Variants in SERAC1 observed in about 807,000 individuals in gnomAD.
SERAC1 encodes serine active site containing 1.
Under a neutral mutation model 85.7 loss-of-function variants are expected in SERAC1, and 36 were observed. The ratio of observed to expected loss-of-function variants is 0.42; its 90% CI spans 0.32 to 0.55. SERAC1 has a LOEUF of 0.55. Ranked by LOEUF, SERAC1 falls within the 20% of genes least tolerant of loss-of-function variation. SERAC1 has a pLI of 0.11. For synonymous variants in SERAC1, 242 were observed against 265.3 expected (o/e 0.91, Z 0.85); for missense variants, 629 against 796.2 (o/e 0.79, Z 2.53).
rs748870716 is a variant in SERAC1, at chr6:158,143,074, C to T, written c.720G>A (p.Gln240=). The change falls in exon 8 of 17, where the codon CAG becomes CAA. Residue 240 remains glutamine (Q), a synonymous_variant. Transcript: ENST00000647468. The part of the protein sequence containing the change: ...FTSLALSESS[Q]SLAAQKGGLW... ...AACTAACCTTCTGAGCAGCTAGACT[C>T]TGACTGCTTTCACTAAGAGCCAAAG... 1 of 1,612,088 alleles carries T rather than the reference C, an allele frequency of 6.2e-7. No homozygotes were observed. The highest frequency in any genetic ancestry group is 8.5e-7 in the Non-Finnish European group (1 of 1,178,978).
intron 6 of SERAC1, chr6:158,146,393 C>CTT (rs1785055867): frequency 2.6e-5 from 4 of 154,186 alleles, no homozygotes; most frequent in Non-Finnish European, 1.3e-5. Context: ...CTCCCACTCC[C>CTT]TTGTCTTTTT....
intron 16 of SERAC1, chr6:158,112,308 G>C (rs1303939914): frequency 6.6e-6 from 1 of 152,502 alleles, no homozygotes; most frequent in Non-Finnish European, 1.5e-5. Context: ...AGCTACTCAG[G>C]AGGCTGAAGT....
At chr6:158,128,462 A>G (rs1224359225) in intron 9 of SERAC1, among the ~76,000 whole-genome samples, 192 bp from the exon 10 acceptor site, 1 of 152,202 alleles carries the variant, frequency 6.6e-6, no homozygotes, top group African/African-American at 2.4e-5. Flanking sequence ...CTTCAAAATC[A>G]TAGAAAAAAT....
chr6:158,164,797 T>C (rs1785560804), intron 1 of SERAC1, among the ~76,000 whole-genome samples: 2 of 152,166 alleles, frequency 1.3e-5, no homozygotes, highest in South Asian at 4.1e-4. Context: ...CCTTTCTTTC[T>C]TTCTAGTTAA....
chr6:158,146,656 C>T lies in SERAC1; in HGVS notation c.487+126G>A, dbSNP rs540069169. On this transcript the variant is annotated intron_variant, in intron 6 of 16. Coordinates refer to ENST00000647468, the MANE Select transcript of SERAC1 (RefSeq NM_032861.4). ...TGAACTCCTGACCTTGTGATCCAAC[C>T]AGCGTGGCCTCCCAAAGTGCTGGGA... 148 of 1,144,990 alleles carry T rather than the reference C, an allele frequency of 1.3e-4. No individual in the cohort carries two copies. The African/African-American group carries it at 2.1e-3, about 16-fold the overall frequency. 70.9% of individuals were successfully genotyped at this position (1,144,990 alleles called of 1,614,324 possible).
rs138749406 is a variant in SERAC1, at chr6:158,138,383, C to T, written c.738+4673G>A. On this transcript the variant is annotated intron_variant, in intron 8 of 16. Transcript: ENST00000647468. Reference sequence around the variant, plus strand: ...CCAGGAGGCAGAGGTGGTAGTGAGTCGAGATCACACCACTGAACTCCAGCC... The same window carrying T: ...CCAGGAGGCAGAGGTGGTAGTGAGTTGAGATCACACCACTGAACTCCAGCC... 2.4e-3 allele frequency among the ~76,000 whole-genome samples: 336 copies of T among 138,608 alleles called. 1 individual carries two copies. Among genetic ancestry groups the T allele is most frequent in the African/African-American group, 8.6e-3 (314 of 36,558 alleles). The allele number at this position is 138,608 out of a possible 152,430, so 90.9% of individuals were successfully genotyped here. A position where few individuals can be genotyped will look rare whatever the true frequency, so the allele number is the denominator to read the frequency against.
intron 1 of SERAC1, among the ~76,000 whole-genome samples, chr6:158,159,532 A>T (rs1785436847): frequency 6.6e-6 from 1 of 150,972 alleles, no homozygotes; most frequent in Non-Finnish European, 1.5e-5. Flanking sequence ...ACTATAAATT[A>T]TCCCTCTAAA....
chr6:158,125,223 C>A (rs1784512609), intron 10 of SERAC1, among the ~76,000 whole-genome samples: 1 of 152,158 alleles, frequency 6.6e-6, no homozygotes, highest in Admixed American at 6.5e-5. Flanking sequence ...ACTGCCCTGA[C>A]TTGATCACTA....
In SERAC1 at chr6:158,156,901, T is replaced by A. The variant is rs1785358731; in HGVS notation, c.91+1372A>T. On this transcript the variant is annotated intron_variant, in intron 2 of 16. Transcript: ENST00000647468. ...ATAGATATTAATATATTTATATAGA[T>A]ATTAATATATTTATATAAATATTAA... 3.1e-5 allele frequency among the ~76,000 whole-genome samples: 3 copies of A among 97,002 alleles called. No homozygotes were observed. In the South Asian group the frequency reaches 8.8e-4, roughly 29 times the overall value. 63.6% of individuals were successfully genotyped at this position (97,002 alleles called of 152,430 possible).
Position 158,128,196 on chromosome 6 carries a change from C to A in SERAC1, c.927G>T (p.Lys309Asn), listed in dbSNP as rs750554251. 6.2e-7 allele frequency: 1 copy of A among 1,614,100 alleles called. No homozygotes were observed. The highest frequency in any genetic ancestry group is 8.5e-7 in the Non-Finnish European group (1 of 1,179,982). ...TATTTCTCTGTACTTTAGGGCAGTC[C>A]TTGTGAAGTCGGTACAGCCTCTGAA... is the stretch of plus-strand genomic sequence containing the variant. ...QLLQRLYRLH[K>N]DCPKVQRNIM... is the part of the protein sequence containing the mutation. Residue 309 changes from lysine (K) to asparagine (N), a missense_variant, in exon 10 of 17, where the codon AAG becomes AAT. Coordinates refer to ENST00000647468, the MANE Select transcript of SERAC1 (RefSeq NM_032861.4).
intron 10 of SERAC1, among the ~76,000 whole-genome samples, chr6:158,126,128 C>CTA (rs77431341): frequency 7.0e-4 from 107 of 152,038 alleles, no homozygotes; most frequent in Non-Finnish European, 3.2e-4. Flanking sequence ...GTATGTATAT[C>CTA]TATATATATA....
intron 2 of SERAC1, among the ~76,000 whole-genome samples, chr6:158,156,824 T>G (rs1785348227): frequency 7.3e-6 from 1 of 137,732 alleles, no homozygotes. Flanking sequence ...ATATAATATA[T>G]TAATATATTA....
intron 16 of SERAC1, 146 bp downstream of exon 16, chr6:158,113,303 G>A: frequency 1.5e-6 from 1 of 646,298 alleles, no homozygotes; most frequent in Non-Finnish European, 2.6e-6. Context: ...TTAATCTATT[G>A]CTGAAAAGAA....
intron 8 of SERAC1, 40 bp from the exon 9 acceptor site, chr6:158,130,526 G>A: frequency 7.9e-7 from 1 of 1,257,992 alleles, no homozygotes; most frequent in Middle Eastern, 2.1e-4. Context: ...GAAAAAAAGT[G>A]ACTAATATTT....
At chr6:158,136,727 G>A (rs1242114205) in intron 8 of SERAC1, among the ~76,000 whole-genome samples, 19 of 152,178 alleles carry the variant, frequency 1.2e-4, no homozygotes, top group Admixed American at 1.2e-3. Context: ...TATGAGGCAG[G>A]TCTGTCATAA....
At chr6:158,126,185 C>T (rs1483269085) in intron 10 of SERAC1, among the ~76,000 whole-genome samples, 1 of 152,080 alleles carries the variant, frequency 6.6e-6, no homozygotes, top group Admixed American at 6.5e-5. Flanking sequence ...AGGCAAGAAG[C>T]AAAGACACCC....
chr6:158,127,296 C>T (rs1280077597), intron 10 of SERAC1, among the ~76,000 whole-genome samples: 1 of 2,824 alleles, frequency 3.5e-4, no homozygotes, highest in African/African-American at 9.9e-4. Context: ...AGGTGAGGGG[C>T]GCCTCTGCCC....
chr6:158,158,379 C>A lies in SERAC1; in HGVS notation c.-1-15G>T. On this transcript the variant is annotated splice_polypyrimidine_tract_variant and intron_variant, in intron 1 of 16. Transcript: ENST00000647468. ...CCAGGGACATTCTGTGTAAGTAGAACAATTACAACAAATTTAATTTAGCAT... is the reference window on the plus strand; with the variant it reads ...CCAGGGACATTCTGTGTAAGTAGAAAAATTACAACAAATTTAATTTAGCAT... 2 of 1,573,588 alleles carry A rather than the reference C, an allele frequency of 1.3e-6. No homozygotes were observed. The highest frequency in any genetic ancestry group is 1.7e-6 in the Non-Finnish European group (2 of 1,144,796).
At chr6:158,115,004 A>C in intron 14 of SERAC1, 33 bp from the exon 15 acceptor site, 1 of 1,583,452 alleles carries the variant, frequency 6.3e-7, no homozygotes, top group Non-Finnish European at 8.6e-7. Context: ...AACAATGCAT[A>C]AGCTATTTTC....
Sources: gnomAD v4.1 joint callset for allele counts (sites outside exome capture counted in the v4.1 genomes callset) on GRCh38, gnomAD v4.1.1 for gene constraint, MANE v1.5 for transcripts, NCBI Gene and HGNC (gene_info 2026-07-23, HGNC 2026-07-21) for gene names.